Variants in DLC1 observed in about 807,000 individuals in gnomAD.
The protein encoded by DLC1 is DLC1 Rho GTPase activating protein, also known as rho GTPase-activating protein 7.
In DLC1, 54 loss-of-function variants were observed where a neutral mutation model predicts 140.3. That is an observed-to-expected ratio of 0.38 (90% CI 0.31 to 0.48). The LOEUF is 0.48. DLC1 is among the 20% of genes least tolerant of loss of function. The pLI, the probability that DLC1 is intolerant of heterozygous loss-of-function variation, is 0.96. For missense variants in DLC1, 2,536 were observed against 1,907.0 expected, an observed-to-expected ratio of 1.33 and a Z score of -6.14; for synonymous variants, 986 against 728.1, an observed-to-expected ratio of 1.35 and a Z score of -5.70.
At chr8:13,396,562 G>A (rs1033821290) in intron 3 of DLC1, among the ~76,000 whole-genome samples, 7 of 152,062 alleles carry the variant, frequency 4.6e-5, no homozygotes, top group African/African-American at 7.2e-5. Flanking sequence ...ATCATCACAC[G>A]AGAGATGGTG....
In DLC1 at chr8:13,401,511, A is replaced by C; in HGVS notation, c.1132T>G (p.Ser378Ala). 6.2e-7 allele frequency: 1 copy of C among 1,612,882 alleles called. No individual in the cohort carries two copies. The highest frequency in any genetic ancestry group is 8.5e-7 in the Non-Finnish European group (1 of 1,179,960). Residue 378 changes from serine (S) to alanine (A), a missense_variant, in exon 3 of 18, where the codon TCT becomes GCT. Ser to Ala is a moderately conservative substitution (Grantham distance 99). Coordinates refer to ENST00000276297, the MANE Select transcript of DLC1 (RefSeq NM_182643.3). ...DIENALSTSS[S>A]PSGTPTNLRR... ...AGGTTTGTTGGTGTGCCTGATGGAG[A>C]GGAGCTGGTGCTGAGGGCATTTTCT...
intron 1 of DLC1, among the ~76,000 whole-genome samples, chr8:13,596,094 T>C (rs1451323928): frequency 6.6e-6 from 1 of 152,056 alleles, no homozygotes; most frequent in Non-Finnish European, 1.5e-5. Context: ...ATTTGTTCTT[T>C]TGAGATGAAA....
chr8:13,322,917 T>A (rs1833183051), intron 4 of DLC1, among the ~76,000 whole-genome samples: 1 of 152,172 alleles, frequency 6.6e-6, no homozygotes, highest in Admixed American at 6.5e-5. Context: ...GCAGATTCCC[T>A]CTTGCACTGT....
At chr8:13,298,833 C>G (rs1254091246) in intron 5 of DLC1, among the ~76,000 whole-genome samples, 2 of 152,148 alleles carry the variant, frequency 1.3e-5, no homozygotes, top group African/African-American at 4.8e-5. Flanking sequence ...ACCCATGCAA[C>G]AAATCTGCAC....
At chr8:13,592,896 T>C (rs1805565085) in intron 1 of DLC1, among the ~76,000 whole-genome samples, 1 of 152,100 alleles carries the variant, frequency 6.6e-6, no homozygotes, top group South Asian at 2.1e-4. Flanking sequence ...TTACTTATAA[T>C]TAATCCCAGA....
intron 1 of DLC1, among the ~76,000 whole-genome samples, chr8:13,560,397 G>T (rs1443990347): frequency 6.6e-6 from 1 of 152,178 alleles, no homozygotes; most frequent in African/African-American, 2.4e-5. Flanking sequence ...TTGTGATAGG[G>T]TCAGAGAATA....
At chr8:13,238,524 G>C (rs915258471) in intron 5 of DLC1, among the ~76,000 whole-genome samples, 2 of 149,838 alleles carry the variant, frequency 1.3e-5, no homozygotes, top group African/African-American at 5.0e-5. Context: ...AAAAAAGAAA[G>C]AAAGAAAAAA....
At chr8:13,482,156 CA>C (rs566414053) in intron 2 of DLC1, among the ~76,000 whole-genome samples, 100 of 152,234 alleles carry the variant, frequency 6.6e-4, no homozygotes, top group Middle Eastern at 3.4e-3. Context: ...ATGAATACAG[CA>C]GTCAAAGAAT....
chr8:13,395,183 C>T (rs891925961), intron 3 of DLC1, among the ~76,000 whole-genome samples: 2 of 151,130 alleles, frequency 1.3e-5, no homozygotes, highest in South Asian at 2.1e-4. Flanking sequence ...TGCAATGGCG[C>T]AATCTTGGCT....
rs768862470 is a variant in DLC1, at chr8:13,095,092, C to T, written c.3321G>A (p.Leu1107=). ...QAMRYLRNHC[L]DQVGLFRKSG... ...CCGCAGGCAGCGCTCTCACCTGATC[C>T]AAACAATGGTTCCGGAGGTATCGCA... is the stretch of plus-strand genomic sequence containing the variant. Residue 1107 remains leucine (L), a synonymous_variant, in exon 11 of 18, where the codon TTG becomes TTA. Coordinates refer to ENST00000276297, the MANE Select transcript of DLC1 (RefSeq NM_182643.3). 1.1e-5 allele frequency: 17 copies of T among 1,614,262 alleles called. No homozygotes were observed. Among genetic ancestry groups the T allele is most frequent in the South Asian group, 2.2e-5 (2 of 91,086 alleles).
intron 1 of DLC1, among the ~76,000 whole-genome samples, chr8:13,603,808 C>A (rs1210315461): frequency 1.3e-5 from 2 of 152,048 alleles, no homozygotes; most frequent in Non-Finnish European, 2.9e-5. Context: ...AACTCCCAAC[C>A]TCAAAGGCAA....
At chr8:13,581,191 G>T (rs1805084914) in intron 1 of DLC1, among the ~76,000 whole-genome samples, 1 of 152,168 alleles carries the variant, frequency 6.6e-6, no homozygotes, top group African/African-American at 2.4e-5. Context: ...CACTTTCAGT[G>T]TTAGCTCATA....
chr8:13,557,036 G>A (rs901258114), intron 1 of DLC1, among the ~76,000 whole-genome samples: 2 of 152,150 alleles, frequency 1.3e-5, no homozygotes, highest in Non-Finnish European at 2.9e-5. Context: ...ATATTCAGGG[G>A]TCTGAAGGGT....
intron 1 of DLC1, among the ~76,000 whole-genome samples, chr8:13,542,363 G>A (rs1321679446): frequency 1.3e-5 from 2 of 152,142 alleles, no homozygotes; most frequent in East Asian, 1.9e-4. Context: ...GACCATATGC[G>A]TAGGTCTATT....
intron 5 of DLC1, among the ~76,000 whole-genome samples, chr8:13,155,126 G>T: frequency 1.6e-5 from 2 of 125,970 alleles, no homozygotes; most frequent in African/African-American, 2.7e-5. Context: ...TCTACAACTT[G>T]CGCTGCTTTT....
intron 5 of DLC1, among the ~76,000 whole-genome samples, chr8:13,186,037 C>T (rs925680567): frequency 2.6e-5 from 4 of 152,158 alleles, no homozygotes; most frequent in African/African-American, 9.7e-5. Context: ...TGATGGGCTT[C>T]CCTTTGTGGG....
intron 16 of DLC1, among the ~76,000 whole-genome samples, chr8:13,087,592 C>T (rs1025885521): frequency 2.0e-5 from 3 of 152,132 alleles, no homozygotes; most frequent in African/African-American, 7.2e-5. Context: ...TGTACAGAGC[C>T]GTTGTTACAG....
intron 2 of DLC1, among the ~76,000 whole-genome samples, chr8:13,445,551 A>G (rs946397100): frequency 1.3e-5 from 2 of 152,234 alleles, no homozygotes; most frequent in Non-Finnish European, 2.9e-5. Flanking sequence ...AAAGCTGTCA[A>G]TTAGAATAAT....
At chr8:13,371,947 C>A (rs1586225967) in intron 4 of DLC1, among the ~76,000 whole-genome samples, 1 of 152,078 alleles carries the variant, frequency 6.6e-6, no homozygotes, top group Non-Finnish European at 1.5e-5. Flanking sequence ...GGAAGTATAT[C>A]ATAAAAGGAG....
Sources: gnomAD v4.1 joint callset for allele counts (sites outside exome capture counted in the v4.1 genomes callset) on GRCh38, gnomAD v4.1.1 for gene constraint, MANE v1.5 for transcripts, NCBI Gene and HGNC (gene_info 2026-07-23, HGNC 2026-07-21) for gene names.